Variants in TMEM272 observed in about 807,000 individuals in gnomAD.
TMEM272 encodes the protein transmembrane protein 272, also known as long intergenic non-protein coding RNA 282.
Under a neutral mutation model 3.7 loss-of-function variants are expected in TMEM272, and 8 were observed. That is an observed-to-expected ratio of 2.17 (90% CI 1.27 to 3.91). The LOEUF is 3.91. Ranked by LOEUF, TMEM272 falls within the 30% of genes most tolerant of loss-of-function variation. TMEM272 has a pLI of 0.00. For synonymous variants in TMEM272, 63 were observed against 39.8 expected (o/e 1.58, Z -2.20); for missense variants, 166 against 91.5 (o/e 1.81, Z -3.32).
the TMEM272 span, among the ~76,000 whole-genome samples, chr13:51,889,910 G>C: frequency 1.3e-5 from 2 of 152,116 alleles, no homozygotes; most frequent in Non-Finnish European, 2.9e-5. Context: ...CAAAGTGCTG[G>C]GATTACAGGT....
the TMEM272 span, among the ~76,000 whole-genome samples, chr13:51,906,613 T>C: frequency 6.6e-6 from 1 of 152,342 alleles, no homozygotes; most frequent in Non-Finnish European, 1.5e-5. Context: ...GTTCTAGAGT[T>C]ATTTTAACTC....
chr13:51,898,963 G>T, the TMEM272 span, among the ~76,000 whole-genome samples: 2 of 152,082 alleles, frequency 1.3e-5, no homozygotes, highest in African/African-American at 4.8e-5. Context: ...ATCCACTGCT[G>T]ATCACTGCTG....
the TMEM272 span, among the ~76,000 whole-genome samples, chr13:51,889,646 T>G: frequency 1.3e-5 from 2 of 151,844 alleles, no homozygotes; most frequent in African/African-American, 4.8e-5. Flanking sequence ...GGGGGGGTTT[T>G]GTTTGTTTTT....
chr13:51,880,854 G>A, the TMEM272 span, among the ~76,000 whole-genome samples: 25 of 152,246 alleles, frequency 1.6e-4, no homozygotes, highest in Admixed American at 8.5e-4. Flanking sequence ...TATACTGCTC[G>A]GGTGATGAGT....
At chr13:51,881,628 T>C in the TMEM272 span, among the ~76,000 whole-genome samples, 1,754 of 151,984 alleles carry the variant, frequency 0.012, 42 homozygotes, top group African/African-American at 0.04. Context: ...GGAAGTGGGG[T>C]CTTTAGGAGG....
chr13:51,910,942 C>A, the TMEM272 span, among the ~76,000 whole-genome samples: 4 of 152,234 alleles, frequency 2.6e-5, no homozygotes, highest in Non-Finnish European at 5.9e-5. Context: ...CAAGCTGACA[C>A]CCTAGCTAAA....
At chr13:51,857,634 T>C in the TMEM272 span, among the ~76,000 whole-genome samples, 1 of 152,030 alleles carries the variant, frequency 6.6e-6, no homozygotes, top group South Asian at 2.1e-4. Flanking sequence ...TAAAAGAATA[T>C]ATAGCTAATG....
chr13:51,923,958 C>A, the TMEM272 span, among the ~76,000 whole-genome samples: 1 of 152,210 alleles, frequency 6.6e-6, no homozygotes, highest in Non-Finnish European at 1.5e-5. Flanking sequence ...ACCCCTCAGA[C>A]GAAGCCCCTT....
At chr13:51,870,018 T>A in the TMEM272 span, among the ~76,000 whole-genome samples, 1 of 152,220 alleles carries the variant, frequency 6.6e-6, no homozygotes, top group African/African-American at 2.4e-5. Flanking sequence ...GCTTTGACCC[T>A]CTCTGGATTC....
chr13:51,890,722 G>A, the TMEM272 span, among the ~76,000 whole-genome samples: 1 of 152,188 alleles, frequency 6.6e-6, no homozygotes, highest in African/African-American at 2.4e-5. Flanking sequence ...CAACAGACCA[G>A]ACCAAACCAG....
chr13:51,865,482 G>A, the TMEM272 span: 1 of 1,614,184 alleles, frequency 6.2e-7, no homozygotes, highest in African/African-American at 1.3e-5. Flanking sequence ...TCCTCTCCCA[G>A]TATTCGCCAG....
chr13:51,866,056 GGCCTTCT>G, the TMEM272 span: 2 of 1,588,980 alleles, frequency 1.3e-6, no homozygotes, highest in Non-Finnish European at 1.7e-6. Flanking sequence ...AGCGCTTGCT[GGCCTTCT>G]CCCGAGGCAG....
At chr13:51,889,727 C>T in the TMEM272 span, among the ~76,000 whole-genome samples, 3 of 152,088 alleles carry the variant, frequency 2.0e-5, no homozygotes, top group Non-Finnish European at 2.9e-5. Flanking sequence ...CCTTAACCTC[C>T]GCCTCCTGGG....
the TMEM272 span, among the ~76,000 whole-genome samples, chr13:51,898,599 C>T: frequency 2.0e-5 from 3 of 149,452 alleles, no homozygotes; most frequent in Non-Finnish European, 4.4e-5. Flanking sequence ...ACAATATATG[C>T]AAAATGTTGG....
At chr13:51,867,445 A>G in the TMEM272 span, among the ~76,000 whole-genome samples, 1 of 152,154 alleles carries the variant, frequency 6.6e-6, no homozygotes, top group Non-Finnish European at 1.5e-5. Context: ...GGAGAGCCTT[A>G]AAGTACACTA....
the TMEM272 span, among the ~76,000 whole-genome samples, chr13:51,880,737 C>T: frequency 6.6e-6 from 1 of 152,136 alleles, no homozygotes; most frequent in Non-Finnish European, 1.5e-5. Context: ...GCAGCAGGCC[C>T]CACCGTCCCA....
the TMEM272 span, among the ~76,000 whole-genome samples, chr13:51,922,574 G>A: frequency 6.6e-6 from 1 of 152,200 alleles, no homozygotes; most frequent in Non-Finnish European, 1.5e-5. Context: ...ACCTGCAGAA[G>A]AGCTTAGGTG....
intron 2 of TMEM272, among the ~76,000 whole-genome samples, chr13:51,835,228 C>CTT (rs202151711): frequency 3.6e-4 from 26 of 72,500 alleles, no homozygotes; most frequent in East Asian, 1.5e-3. Flanking sequence ...TATTTTCTTT[C>CTT]TTTTTTTTTT....
At chr13:51,897,078 T>A in the TMEM272 span, among the ~76,000 whole-genome samples, 1 of 152,240 alleles carries the variant, frequency 6.6e-6, no homozygotes, top group African/African-American at 2.4e-5. Flanking sequence ...CACAGGGTGA[T>A]GCAGAGTGGC....
Sources: allele counts gnomAD v4.1 joint callset (sites outside exome capture counted in the v4.1 genomes callset), GRCh38; gene constraint gnomAD v4.1.1; transcripts MANE v1.5; gene names NCBI Gene and HGNC (gene_info 2026-07-23, HGNC 2026-07-21).